Variants in ATAD1 observed in about 807,000 individuals in gnomAD.
ATAD1 encodes the protein ATPase family AAA domain containing 1.
ATAD1 carries 18 observed loss-of-function variants against 42.7 expected under a neutral mutation model. The ratio of observed to expected loss-of-function variants is 0.42; its 90% CI spans 0.29 to 0.63. The LOEUF (loss-of-function observed/expected upper bound fraction) is 0.63. Among genes scored for constraint, ATAD1 ranks in the 20% least tolerant of loss-of-function variants. The probability of loss-of-function intolerance (pLI) is 0.19; values close to 1 mark genes in which losing one functional copy is unlikely to be tolerated. For missense variants in ATAD1, 294 were observed against 440.4 expected, an observed-to-expected ratio of 0.67 and a Z score of 2.98; for synonymous variants, 132 against 143.1, an observed-to-expected ratio of 0.92 and a Z score of 0.55.
At position 87,763,937 on chromosome 10, in the gene ATAD1, A is replaced by G. The variant is rs77353396; in HGVS notation, c.831+3736T>C. 1.8e-4 allele frequency among the ~76,000 whole-genome samples: 28 copies of G among 152,258 alleles called. No homozygotes were observed. The East Asian group carries it at 5.0e-3, about 27-fold the overall frequency. ...CTTGTTTTTTTCCTATGTAAGACAA[A>G]TTGATTCTAAAATTTATGCAGAGAA... On this transcript the variant is annotated intron_variant, in intron 8 of 9. Coordinates refer to ENST00000680024, the MANE Select transcript of ATAD1 (RefSeq NM_001321967.2).
chr10:87,757,357 A>G (rs567632280), intron 8 of ATAD1, among the ~76,000 whole-genome samples: 45 of 152,148 alleles, frequency 3.0e-4, no homozygotes, highest in African/African-American at 1.1e-3. Flanking sequence ...TTTAGCACCT[A>G]TACTTTTGCT....
chr10:87,841,024 A>G (rs943237077), intron 1 of ATAD1, among the ~76,000 whole-genome samples: 1 of 152,196 alleles, frequency 6.6e-6, no homozygotes, highest in Non-Finnish European at 1.5e-5. Flanking sequence ...CATGAGAAGT[A>G]CAAAGGTACA....
intron 5 of ATAD1, among the ~76,000 whole-genome samples, chr10:87,782,240 G>T (rs904499141): frequency 6.6e-6 from 1 of 152,166 alleles, no homozygotes; most frequent in African/African-American, 2.4e-5. Flanking sequence ...GCTTTAAGAC[G>T]CTGAATGTGA....
At chr10:87,785,112 C>T (rs1855763040) in intron 4 of ATAD1, among the ~76,000 whole-genome samples, 1 of 152,170 alleles carries the variant, frequency 6.6e-6, no homozygotes, top group African/African-American at 2.4e-5. Flanking sequence ...AAGTTTTAGC[C>T]AAAGGACATG....
chr10:87,756,365 A>T (rs936900291), intron 9 of ATAD1, among the ~76,000 whole-genome samples: 6 of 152,208 alleles, frequency 3.9e-5, no homozygotes, highest in African/African-American at 1.4e-4. Context: ...TAAGGCTGTT[A>T]AAAAAATTGG....
At chr10:87,838,391 G>T (rs1857965775) in intron 1 of ATAD1, among the ~76,000 whole-genome samples, 1 of 148,428 alleles carries the variant, frequency 6.7e-6, no homozygotes, top group African/African-American at 2.5e-5. Flanking sequence ...GCTGGGCGTG[G>T]TGGTGCACAC....
At chr10:87,760,381 T>C (rs34325090) in intron 8 of ATAD1, among the ~76,000 whole-genome samples, 1 of 152,004 alleles carries the variant, frequency 6.6e-6, no homozygotes, top group African/African-American at 2.4e-5. Flanking sequence ...CTCCCACTCC[T>C]GCTCTGCCAT....
At chr10:87,757,756 AC>A (rs1854289386) in intron 8 of ATAD1, among the ~76,000 whole-genome samples, 1 of 152,222 alleles carries the variant, frequency 6.6e-6, no homozygotes, top group Non-Finnish European at 1.5e-5. Flanking sequence ...CCTTATAGTT[AC>A]TAAATTCCCA....
At position 87,805,696 on chromosome 10, in the gene ATAD1, T is replaced by C. The variant is rs368537189; in HGVS notation, c.162+8742A>G. ...TGACCCCAACCCCTCCTGATTCTTC[T>C]GGGACCTTCCTCCATCTATTAAATA... On this transcript the variant is annotated intron_variant, in intron 2 of 9. Transcript: ENST00000680024. 2.3e-3 allele frequency among the ~76,000 whole-genome samples: 348 copies of C among 152,128 alleles called. 2 individuals are homozygous for C. The highest frequency in any genetic ancestry group is 0.012 in the South Asian group (59 of 4,820).
intron 1 of ATAD1, among the ~76,000 whole-genome samples, chr10:87,829,759 A>G (rs1857796139): frequency 6.6e-6 from 1 of 152,210 alleles, no homozygotes; most frequent in East Asian, 1.9e-4. Context: ...ATGTGACTGA[A>G]TTGCTGCCAT....
chr10:87,798,556 T>G (rs962318067), intron 2 of ATAD1, among the ~76,000 whole-genome samples: 9 of 132,960 alleles, frequency 6.8e-5, no homozygotes, highest in South Asian at 2.1e-4. Flanking sequence ...GTTTTTTGTG[T>G]TTTTTTTTTG....
At chr10:87,783,724 T>A (rs1855680102) in intron 5 of ATAD1, among the ~76,000 whole-genome samples, 1 of 151,814 alleles carries the variant, frequency 6.6e-6, no homozygotes, top group Non-Finnish European at 1.5e-5. Flanking sequence ...AGTCCATTAA[T>A]ATAAAAGTCA....
At chr10:87,782,727 C>T (rs977920184) in intron 5 of ATAD1, among the ~76,000 whole-genome samples, 4 of 152,084 alleles carry the variant, frequency 2.6e-5, no homozygotes, top group African/African-American at 7.2e-5. Context: ...AGAAGTAAAT[C>T]AGCTAGGCGT....
chr10:87,778,979 A>C (rs191891250), intron 5 of ATAD1, among the ~76,000 whole-genome samples: 1 of 152,330 alleles, frequency 6.6e-6, no homozygotes, highest in Admixed American at 6.5e-5. Context: ...TTTATGTCTA[A>C]CACCAAAAGC....
intron 2 of ATAD1, among the ~76,000 whole-genome samples, chr10:87,802,141 A>G (rs143758595): frequency 1.8e-4 from 28 of 152,336 alleles, no homozygotes; most frequent in African/African-American, 6.5e-4. Flanking sequence ...CGTAAGTGCA[A>G]TAAGAATCTG....
chr10:87,839,676 C>G (rs1309727841), intron 1 of ATAD1, among the ~76,000 whole-genome samples: 1 of 152,152 alleles, frequency 6.6e-6, no homozygotes, highest in African/African-American at 2.4e-5. Context: ...TGCTCTATTG[C>G]TTTCCACCAA....
intron 2 of ATAD1, among the ~76,000 whole-genome samples, chr10:87,793,156 T>A (rs979219278): frequency 6.6e-6 from 1 of 152,186 alleles, no homozygotes; most frequent in Non-Finnish European, 1.5e-5. Flanking sequence ...AAGAAATGTA[T>A]AAGTGAAGTT....
intron 1 of ATAD1, among the ~76,000 whole-genome samples, chr10:87,826,933 AAGTCTCTCT>A (rs139691606): frequency 0.014 from 2,149 of 152,326 alleles, 62 homozygotes; most frequent in African/African-American, 0.048. Flanking sequence ...AGACAACTAA[AAGTCTCTCT>A]AGTGTTACCC....
chr10:87,790,039 T>A (rs1856021233), intron 4 of ATAD1, among the ~76,000 whole-genome samples: 1 of 152,186 alleles, frequency 6.6e-6, no homozygotes, highest in Non-Finnish European at 1.5e-5. Flanking sequence ...CTTTCTTTAA[T>A]CTTGATTTTC....
Sources: gnomAD v4.1 joint callset for allele counts (sites outside exome capture counted in the v4.1 genomes callset) on GRCh38, gnomAD v4.1.1 for gene constraint, MANE v1.5 for transcripts, NCBI Gene and HGNC (gene_info 2026-07-23, HGNC 2026-07-21) for gene names.